WNT7B: variants seen among roughly 807,000 people sequenced by gnomAD.
WNT7B encodes the protein protein Wnt-7b.
WNT7B carries 19 observed loss-of-function variants against 38.2 expected under a neutral mutation model. The observed-to-expected ratio is 0.50, with a 90% CI of 0.35 to 0.73. WNT7B has a LOEUF of 0.73. Among genes scored for constraint, WNT7B ranks in the 30% least tolerant of loss-of-function variants. The pLI is 0.01. For synonymous variants in WNT7B, 243 were observed against 209.3 expected (o/e 1.16, Z -1.39); for missense variants, 423 against 507.9 (o/e 0.83, Z 1.61).
intron 1 of WNT7B, among the ~76,000 whole-genome samples, chr22:45,971,686 C>T (rs1187779753): frequency 6.6e-6 from 1 of 152,178 alleles, no homozygotes; most frequent in East Asian, 1.9e-4. Context: ...CGGTGAAGCG[C>T]GGCGTGCACG....
chr22:45,972,116 G>GGGGGGGGGGGCCCCCCCCCCCCCC, intron 1 of WNT7B: 2 of 530,746 alleles, frequency 3.8e-6, no homozygotes, highest in African/African-American at 2.1e-5. Flanking sequence ...CCCGGGGGGA[G>GGGGGGGGGGGCCCCCCCCCCCCCC]CCCACCCGCC....
chr22:45,954,607 G>A, intron 1 of WNT7B: 4 of 985,388 alleles, frequency 4.1e-6, no homozygotes, highest in Non-Finnish European at 4.8e-6. Flanking sequence ...GCAGCCCCCT[G>A]CGTGCCCGTG....
At chr22:45,952,133 G>A (rs1292117776) in intron 1 of WNT7B, among the ~76,000 whole-genome samples, 1 of 152,218 alleles carries the variant, frequency 6.6e-6, no homozygotes, top group Non-Finnish European at 1.5e-5. Flanking sequence ...GAGTTGGGGG[G>A]ACCGCCGGGG....
At position 45,923,434 on chromosome 22, in the gene WNT7B, C is replaced by T. The variant is rs1039430702; in HGVS notation, c.571-99G>A. ...TCTAGCCCAGCCCTGGAGCCCGCTC[C>T]TCCCCTTGGGCTGTGTGACCACAGG... On this transcript the variant is annotated intron_variant, in intron 3 of 3. Coordinates refer to ENST00000339464, the MANE Select transcript of WNT7B (RefSeq NM_058238.3). 27 of 1,474,814 alleles carry T rather than the reference C, an allele frequency of 1.8e-5. 1 individual carries two copies. The African/African-American group carries it at 3.4e-4, about 18-fold the overall frequency. 91.4% of individuals were successfully genotyped at this position (1,474,814 alleles called of 1,614,324 possible).
rs141010954 is a variant in WNT7B, at chr22:45,930,147, G to A, written c.570+951C>T. On this transcript the variant is annotated intron_variant, in intron 3 of 3. Coordinates refer to ENST00000339464, the MANE Select transcript of WNT7B (RefSeq NM_058238.3). ...TCTCCTACACAACCAAGCCCTCACCGTCCTGGGTGTGACCCCTGCACCCCT... is the reference window on the plus strand; with the variant it reads ...TCTCCTACACAACCAAGCCCTCACCATCCTGGGTGTGACCCCTGCACCCCT... Among the ~76,000 whole-genome samples the A allele has an allele frequency of 5.3e-4, 81 of 152,336 alleles. 3 individuals are homozygous for A. The highest frequency in any genetic ancestry group is 2.7e-3 in the South Asian group (13 of 4,822).
At chr22:45,929,487 T>TCCACCCAC (rs368933414) in intron 3 of WNT7B, among the ~76,000 whole-genome samples, 28 of 142,846 alleles carry the variant, frequency 2.0e-4, no homozygotes, top group African/African-American at 6.9e-4. Context: ...CATCTGTACA[T>TCCACCCAC]CCACCCACCC....
chr22:45,941,222 C>A (rs1049075767), intron 2 of WNT7B, among the ~76,000 whole-genome samples: 4 of 152,060 alleles, frequency 2.6e-5, no homozygotes, highest in African/African-American at 9.7e-5. Flanking sequence ...GGAAAGAGTG[C>A]AGAAGGGCCG....
At chr22:45,943,610 C>T (rs1368623923) in intron 2 of WNT7B, among the ~76,000 whole-genome samples, 2 of 152,196 alleles carry the variant, frequency 1.3e-5, no homozygotes, top group African/African-American at 4.8e-5. Flanking sequence ...TGCCCCAGGG[C>T]CTCTCAGCAC....
chr22:45,959,383 CTG>C (rs765081934), intron 1 of WNT7B, among the ~76,000 whole-genome samples: 6 of 152,170 alleles, frequency 3.9e-5, no homozygotes, highest in African/African-American at 7.2e-5. Flanking sequence ...GCGTTTAAAA[CTG>C]GGGGATGGGG....
In WNT7B at chr22:45,923,887, A is replaced by AG. The variant is rs543491425; in HGVS notation, c.571-553dup. Among the ~76,000 whole-genome samples, 249 of 152,318 alleles carry AG rather than the reference A, an allele frequency of 1.6e-3. 1 individual carries two copies. Among genetic ancestry groups the AG allele is most frequent in the African/African-American group, 5.7e-3 (238 of 41,582 alleles). The stretch of plus-strand genomic sequence containing the variant: ...CACGTTGCCCAAGGCCAAGGGGAGC[A>AG]GGGGAGGCGAGTACACGGATCAGCG... On this transcript the variant is annotated intron_variant, in intron 3 of 3. Coordinates refer to ENST00000339464, the MANE Select transcript of WNT7B (RefSeq NM_058238.3).
chr22:45,946,792 C>T (rs1194859917), intron 2 of WNT7B, among the ~76,000 whole-genome samples: 2 of 152,358 alleles, frequency 1.3e-5, no homozygotes, highest in Non-Finnish European at 2.9e-5. Context: ...GGCATACAAG[C>T]ACCCACACCA....
intron 3 of WNT7B, chr22:45,925,571 C>T (rs894785342): frequency 5.1e-6 from 5 of 985,218 alleles, no homozygotes; most frequent in Non-Finnish European, 6.0e-6. Flanking sequence ...TCCTCCCTGC[C>T]TCCTGTCCCT....
intron 1 of WNT7B, among the ~76,000 whole-genome samples, chr22:45,973,250 T>C (rs1462376552): frequency 6.6e-6 from 1 of 152,216 alleles, no homozygotes; most frequent in Non-Finnish European, 1.5e-5. Flanking sequence ...TTCCTTTTAT[T>C]TTTTGTTTAA....
Position 45,922,755 on chromosome 22 carries a change from C to G in WNT7B, c.*101G>C, listed in dbSNP as rs987704685. ...TGGAGCTCCCCGCTTCTGCACCCGT[C>G]TATGTCTGCTGCTGGCAGCACCAAG... On this transcript the variant is annotated 3_prime_UTR_variant, in exon 4 of 4. Transcript: ENST00000339464. 4.0e-6 allele frequency: 6 copies of G among 1,518,766 alleles called. No individual in the cohort carries two copies. In the African/African-American group the frequency reaches 5.5e-5, roughly 14 times the overall value. The allele number at this position is 1,518,766 out of a possible 1,614,324, so 94.1% of individuals were successfully genotyped here.
intron 3 of WNT7B, among the ~76,000 whole-genome samples, chr22:45,924,755 C>T (rs1981937625): frequency 6.8e-6 from 1 of 147,012 alleles, no homozygotes; most frequent in African/African-American, 2.5e-5. Context: ...CGGGCGGGCC[C>T]TAGGCTGGCA....
chr22:45,948,867 CAG>C (rs1235084831), intron 2 of WNT7B, among the ~76,000 whole-genome samples: 1 of 121,560 alleles, frequency 8.2e-6, no homozygotes, highest in East Asian at 2.8e-4. Flanking sequence ...TCCCCTGAGA[CAG>C]AGTCTTGCTC....
At position 45,951,095 on chromosome 22, in the gene WNT7B, A is replaced by C. The variant is rs2146733823; in HGVS notation, c.72-949T>G. ...CATTTGTTTGTTTGTTTTGAGACAG[A>C]GTTTCGGAGTCTCACTCTGTCGCGC... On this transcript the variant is annotated intron_variant, in intron 1 of 3. Coordinates refer to ENST00000339464, the MANE Select transcript of WNT7B (RefSeq NM_058238.3). The surrounding 1 kb of genome is among the most constrained non-coding windows in gnomAD (Gnocchi z 4.8). Among the ~76,000 whole-genome samples, 1 of 152,292 alleles carries C rather than the reference A, an allele frequency of 6.6e-6. No homozygotes were observed. Among genetic ancestry groups the C allele is most frequent in the South Asian group, 2.1e-4 (1 of 4,828 alleles).
In WNT7B at chr22:45,931,140, C is replaced by A. The variant is rs148593614; in HGVS notation, c.528G>T (p.Ala176=). The part of the protein sequence containing the change: ...FVDAREIKKN[A]RRLMNLHNNE... ...TGTTATGCAGGTTCATGAGGCGCCG[C>A]GCGTTCTTCTTGATCTCCCGAGCGT... The change falls in exon 3 of 4, where the codon GCG becomes GCT. Residue 176 remains alanine, a synonymous_variant. Transcript: ENST00000339464. The A allele has an allele frequency of 6.3e-7, 1 of 1,594,158 alleles. No homozygotes were observed. Among genetic ancestry groups the A allele is most frequent in the Non-Finnish European group, 8.5e-7 (1 of 1,174,732 alleles).
chr22:45,951,241 TA>T lies in WNT7B; in HGVS notation c.72-1096del, dbSNP rs1700962400. ...ACAGTTGCCCACCACCACACCCGGC[TA>T]ATTTTTGTATTTTTAGTAGAGACAG... On this transcript the variant is annotated intron_variant, in intron 1 of 3. Transcript: ENST00000339464. This position sits in a 1 kb window ranked among gnomAD's most constrained non-coding sequence, Gnocchi z 4.8. 6.6e-6 allele frequency among the ~76,000 whole-genome samples: 1 copy of T among 152,074 alleles called. No homozygotes were observed.
Sources: gnomAD v4.1 joint callset for allele counts (sites outside exome capture counted in the v4.1 genomes callset) on GRCh38, gnomAD v4.1.1 for gene constraint, Gnocchi (gnomAD v3.1) non-coding constraint, MANE v1.5 for transcripts, NCBI Gene and HGNC (gene_info 2026-07-23, HGNC 2026-07-21) for gene names.